The following CCDC91 variants were observed in gnomAD, a reference collection of about 807,000 sequenced individuals.
The protein encoded by CCDC91 is coiled-coil domain-containing protein 91.
In CCDC91, 48 loss-of-function variants were observed where a neutral mutation model predicts 63.2. The ratio of observed to expected loss-of-function variants is 0.76; its 90% CI spans 0.60 to 0.97. The LOEUF is 0.97. CCDC91 is among the 50% of genes least tolerant of loss of function. CCDC91 has a pLI of 0.00. For missense variants in CCDC91, 500 were observed against 494.6 expected (o/e 1.01, Z -0.10); for synonymous variants, 167 against 165.8 (o/e 1.01, Z -0.06).
chr12:28,292,670 G>A (rs530082084), intron 3 of CCDC91, among the ~76,000 whole-genome samples: 1 of 151,864 alleles, frequency 6.6e-6, no homozygotes, highest in East Asian at 1.9e-4. Flanking sequence ...ATATAAAATA[G>A]GCTGGTCTTC....
rs118107717 is a variant in CCDC91 at position 28,442,288 on chromosome 12, A to G, written c.763-7873A>G. On this transcript the variant is annotated intron_variant, in intron 8 of 12. Coordinates refer to ENST00000536442, the MANE Select transcript of CCDC91 (RefSeq NM_018318.5). Reference sequence around the variant, plus strand: ...TGAGAAAAGGCTATTTCAGGCATTCATGAAAATTCGTGACATATTTTACTT... The same window carrying G: ...TGAGAAAAGGCTATTTCAGGCATTCGTGAAAATTCGTGACATATTTTACTT... Among the ~76,000 whole-genome samples the G allele has an allele frequency of 1.5e-3, 224 of 152,260 alleles. 3 individuals carry two copies. Among genetic ancestry groups the G allele is most frequent in the Non-Finnish European group, 2.8e-3 (191 of 67,976 alleles).
At chr12:28,403,753 G>A (rs1946771984) in intron 8 of CCDC91, among the ~76,000 whole-genome samples, 1 of 152,012 alleles carries the variant, frequency 6.6e-6, no homozygotes, top group Admixed American at 6.6e-5. Flanking sequence ...GTGTGTTTCA[G>A]CAAATAATCT....
intron 1 of CCDC91, among the ~76,000 whole-genome samples, chr12:28,227,715 T>C (rs748530772): frequency 4.6e-5 from 7 of 152,070 alleles, no homozygotes; most frequent in Non-Finnish European, 8.8e-5. Flanking sequence ...GTTTATTGCA[T>C]AGATTTCCCT....
intron 1 of CCDC91, among the ~76,000 whole-genome samples, chr12:28,234,644 CTG>C (rs1475991496): frequency 1.8e-4 from 27 of 152,120 alleles, no homozygotes; most frequent in Non-Finnish European, 2.9e-4. Context: ...TTCCTTCACA[CTG>C]TGAGAATCAA....
At chr12:28,479,387 T>A (rs1278508854) in intron 11 of CCDC91, among the ~76,000 whole-genome samples, 2 of 152,186 alleles carry the variant, frequency 1.3e-5, no homozygotes, top group Non-Finnish European at 2.9e-5. Flanking sequence ...ACCTGCATGT[T>A]CTCACTCATA....
chr12:28,203,969 TA>T (rs1041199382), intron 1 of CCDC91, among the ~76,000 whole-genome samples: 1 of 151,874 alleles, frequency 6.6e-6, no homozygotes, highest in African/African-American at 2.4e-5. Context: ...ATTTCCTAGT[TA>T]AAAAAAACAA....
chr12:28,363,007 C>T lies in CCDC91; in HGVS notation c.654+492C>T, dbSNP rs1944005366. ...AAATTATTTTAAAAATTATTCAATT[C>T]TGTGCCTGCATAAGCTGAAATATTT... On this transcript the variant is annotated intron_variant, in intron 7 of 12. Transcript: ENST00000536442. Among the ~76,000 whole-genome samples the T allele has an allele frequency of 2.6e-5, 4 of 152,226 alleles. No individual in the cohort carries two copies. In the South Asian group the frequency reaches 8.3e-4, roughly 32 times the overall value.
chr12:28,196,825 A>G (rs899878871), intron 1 of CCDC91, among the ~76,000 whole-genome samples: 1 of 152,166 alleles, frequency 6.6e-6, no homozygotes, highest in African/African-American at 2.4e-5. Context: ...TTTTGCAAAT[A>G]TATTTTAAAA....
intron 1 of CCDC91, among the ~76,000 whole-genome samples, chr12:28,233,669 A>T (rs571965767): frequency 1.3e-4 from 20 of 152,302 alleles, no homozygotes; most frequent in Admixed American, 1.2e-3. Context: ...TGTTAGCATA[A>T]GTCAATTTTG....
chr12:28,384,328 G>A (rs970136446), intron 7 of CCDC91, among the ~76,000 whole-genome samples: 3 of 152,080 alleles, frequency 2.0e-5, no homozygotes, highest in Non-Finnish European at 4.4e-5. Context: ...ATAAACTCAT[G>A]TAGTTCTTAT....
In CCDC91 at chr12:28,499,355, TTTATTA is replaced by T. The variant is rs140985245; in HGVS notation, c.1215+15204_1215+15209del. Among the ~76,000 whole-genome samples the T allele has an allele frequency of 2.0e-3, 296 of 151,116 alleles. 2 individuals carry two copies. Among genetic ancestry groups the T allele is most frequent in the African/African-American group, 6.8e-3 (279 of 41,318 alleles). Reference sequence around the variant, plus strand: ...CACTTGGAATATATGGCACCTCACTTTTATTATTATTATTATTATACTTTAAGTTCT... The same window carrying T: ...CACTTGGAATATATGGCACCTCACTTTTATTATTATTATACTTTAAGTTCT... On this transcript the variant is annotated intron_variant, in intron 12 of 12. Coordinates refer to ENST00000536442, the MANE Select transcript of CCDC91 (RefSeq NM_018318.5).
intron 8 of CCDC91, among the ~76,000 whole-genome samples, chr12:28,402,602 AT>A (rs879775164): frequency 7.1e-6 from 1 of 140,986 alleles, no homozygotes; most frequent in Admixed American, 7.5e-5. Flanking sequence ...AAAAAAAAAA[AT>A]TATTTCTTTC....
At chr12:28,308,045 A>C (rs1452382452) in intron 6 of CCDC91, among the ~76,000 whole-genome samples, 1 of 152,042 alleles carries the variant, frequency 6.6e-6, no homozygotes, top group African/African-American at 2.4e-5. Flanking sequence ...TAATAATTAC[A>C]TTTGAATTAC....
chr12:28,332,734 C>G lies in CCDC91; in HGVS notation c.576+24985C>G, dbSNP rs79303176. ...TTTTCCTCACTCATCAGTATACAAC[C>G]TTGTTTTATGTGTGTTTCTGTGGAA... On this transcript the variant is annotated intron_variant, in intron 6 of 12. Transcript: ENST00000536442. Among the ~76,000 whole-genome samples the G allele has an allele frequency of 3.2e-3, 483 of 152,200 alleles. 6 individuals carry two copies. Among genetic ancestry groups the G allele is most frequent in the African/African-American group, 0.011 (450 of 41,548 alleles).
chr12:28,521,549 C>G (rs1191931581), intron 12 of CCDC91, among the ~76,000 whole-genome samples: 1 of 151,850 alleles, frequency 6.6e-6, no homozygotes, highest in Non-Finnish European at 1.5e-5. Context: ...GTTTTCCTAA[C>G]TGAATACCCT....
intron 8 of CCDC91, among the ~76,000 whole-genome samples, chr12:28,402,006 GAA>G (rs1458255289): frequency 2.0e-5 from 3 of 152,066 alleles, no homozygotes; most frequent in Non-Finnish European, 4.4e-5. Context: ...TACCTTTGGA[GAA>G]AGTCTTACAA....
In CCDC91 at chr12:28,470,934, G is replaced by A. The variant is rs182489976; in HGVS notation, c.1102-13118G>A. Among the ~76,000 whole-genome samples the A allele has an allele frequency of 1.7e-4, 26 of 152,160 alleles. No homozygotes were observed. The East Asian group carries it at 4.8e-3, about 28-fold the overall frequency. On this transcript the variant is annotated intron_variant, in intron 11 of 12. Transcript: ENST00000536442. ...AGTGGAAGGATGGTTACCAGAGGAT[G>A]GGAAAAGAGTGTAAAAGTCGAAAGA...
chr12:28,497,614 A>G (rs1952375479), intron 12 of CCDC91, among the ~76,000 whole-genome samples: 1 of 151,582 alleles, frequency 6.6e-6, no homozygotes, highest in African/African-American at 2.4e-5. Context: ...ATTCCAGGAT[A>G]AGCTGTATAT....
At chr12:28,323,165 AATT>A (rs1286310567) in intron 6 of CCDC91, among the ~76,000 whole-genome samples, 1 of 151,462 alleles carries the variant, frequency 6.6e-6, no homozygotes, top group Non-Finnish European at 1.5e-5. Context: ...GTATACTGTT[AATT>A]ATTATATATT....
Sources: gnomAD v4.1 joint callset for allele counts (sites outside exome capture counted in the v4.1 genomes callset) on GRCh38, gnomAD v4.1.1 for gene constraint, MANE v1.5 for transcripts, NCBI Gene and HGNC (gene_info 2026-07-23, HGNC 2026-07-21) for gene names.